BMP2K: variants seen among roughly 807,000 people sequenced by gnomAD.
The protein encoded by BMP2K is BMP-2-inducible protein kinase.
A neutral mutation model predicts 116.0 loss-of-function variants in BMP2K; 74 were observed. That is an observed-to-expected ratio of 0.64 (90% CI 0.53 to 0.77). BMP2K has a LOEUF of 0.77. Ranked by LOEUF, BMP2K falls within the 30% of genes least tolerant of loss-of-function variation. The probability of loss-of-function intolerance (pLI) is 0.00; values close to 1 mark genes in which losing one functional copy is unlikely to be tolerated. For synonymous variants in BMP2K, 486 were observed against 502.5 expected (o/e 0.97, Z 0.44); for missense variants, 1,365 against 1,403.6 (o/e 0.97, Z 0.44).
chr4:78,817,559 A>G (rs1462022784), intron 1 of BMP2K, among the ~76,000 whole-genome samples: 1 of 152,202 alleles, frequency 6.6e-6, no homozygotes, highest in Non-Finnish European at 1.5e-5. Context: ...CATGCTAGGT[A>G]CACCACTCTG....
rs141156926 is a variant in BMP2K, at chr4:78,805,215, G to C, written c.179-20822G>C. On this transcript the variant is annotated intron_variant, in intron 1 of 15. Coordinates refer to ENST00000502613, the MANE Select transcript of BMP2K (RefSeq NM_198892.2). Reference sequence around the variant, plus strand: ...TTGGCACCCTTGTTGAAAATCAATTGATCATAAAAGTATGGGTGAATTTCT... The same window carrying C: ...TTGGCACCCTTGTTGAAAATCAATTCATCATAAAAGTATGGGTGAATTTCT... Among the ~76,000 whole-genome samples, 619 of 152,274 alleles carry C rather than the reference G, an allele frequency of 4.1e-3. 3 individuals carry two copies. The highest frequency in any genetic ancestry group is 0.014 in the African/African-American group (592 of 41,572).
intron 3 of BMP2K, among the ~76,000 whole-genome samples, chr4:78,837,846 T>G (rs1730563897): frequency 6.6e-6 from 1 of 152,202 alleles, no homozygotes; most frequent in Admixed American, 6.5e-5. Context: ...TCTCACTTTG[T>G]AGCCCAGGGT....
At chr4:78,781,523 G>A (rs1392352478) in intron 1 of BMP2K, among the ~76,000 whole-genome samples, 1 of 151,992 alleles carries the variant, frequency 6.6e-6, no homozygotes, top group African/African-American at 2.4e-5. Context: ...ATATCAAATG[G>A]GAAGCTGGGT....
At chr4:78,843,625 C>T (rs1048316615) in intron 4 of BMP2K, among the ~76,000 whole-genome samples, 5 of 151,844 alleles carry the variant, frequency 3.3e-5, no homozygotes, top group African/African-American at 1.2e-4. Context: ...ATCATGAAAG[C>T]ATCATCTAGA....
At chr4:78,895,453 T>C (rs1436277776) in intron 15 of BMP2K, among the ~76,000 whole-genome samples, 1 of 152,176 alleles carries the variant, frequency 6.6e-6, no homozygotes, top group Non-Finnish European at 1.5e-5. Flanking sequence ...TGATTAAAGG[T>C]TGAAATCCCA....
At chr4:78,900,197 T>A (rs1021929978) in intron 15 of BMP2K, among the ~76,000 whole-genome samples, 1 of 152,226 alleles carries the variant, frequency 6.6e-6, no homozygotes, top group African/African-American at 2.4e-5. Flanking sequence ...GTAGTAAATA[T>A]CTTATTGACA....
intron 7 of BMP2K, among the ~76,000 whole-genome samples, chr4:78,852,229 A>G (rs951783261): frequency 7.2e-5 from 11 of 152,080 alleles, no homozygotes; most frequent in African/African-American, 2.6e-4. Context: ...AATACTACTG[A>G]TAATTTTAGA....
rs886929311 is a variant in BMP2K at position 78,837,081 on chromosome 4, TTTC to T, written c.403+3397_403+3399del. ...TAGATTGATAATCCTCTGATTTTCTTTTCTTATTTTCCTTTTCTTTATTCTTTT... is the reference window on the plus strand; with the variant it reads ...TAGATTGATAATCCTCTGATTTTCTTTTATTTTCCTTTTCTTTATTCTTTT... On this transcript the variant is annotated intron_variant, in intron 3 of 15. Coordinates refer to ENST00000502613, the MANE Select transcript of BMP2K (RefSeq NM_198892.2). 7.2e-5 allele frequency among the ~76,000 whole-genome samples: 11 copies of T among 152,240 alleles called. No individual in the cohort carries two copies. In the Middle Eastern group the frequency reaches 0.01, roughly 141 times the overall value.
intron 2 of BMP2K, among the ~76,000 whole-genome samples, chr4:78,832,334 T>C (rs1404853993): frequency 2.6e-5 from 4 of 152,202 alleles, no homozygotes; most frequent in Admixed American, 2.6e-4. Context: ...TTGTTATTAA[T>C]GTCAGTTGTA....
intron 1 of BMP2K, among the ~76,000 whole-genome samples, chr4:78,807,958 T>C (rs925709952): frequency 1.3e-5 from 2 of 152,158 alleles, no homozygotes; most frequent in Non-Finnish European, 2.9e-5. Flanking sequence ...CTCTATACTT[T>C]TTTTATTTCA....
chr4:78,872,606 T>G lies in BMP2K; in HGVS notation c.1609-8T>G. ...CATTGTTTTGTATAATATCATTTCTTTTTTCAGATGCCGCAGTATCAGCAG... is the reference window on the plus strand; with the variant it reads ...CATTGTTTTGTATAATATCATTTCTGTTTTCAGATGCCGCAGTATCAGCAG... On this transcript the variant is annotated splice_polypyrimidine_tract_variant and splice_region_variant and intron_variant, in intron 12 of 15. Transcript: ENST00000502613. 1 of 1,613,078 alleles carries G rather than the reference T, an allele frequency of 6.2e-7. No homozygotes were observed. Among genetic ancestry groups the G allele is most frequent in the Non-Finnish European group, 8.5e-7 (1 of 1,179,572 alleles).
chr4:78,822,501 CATTTT>C (rs1358880286), intron 1 of BMP2K, among the ~76,000 whole-genome samples: 1 of 152,000 alleles, frequency 6.6e-6, no homozygotes, highest in East Asian at 1.9e-4. Context: ...ATTTATTTCC[CATTTT>C]ATTTCATCAG....
In BMP2K at chr4:78,912,312, A is replaced by G; in HGVS notation, c.*279A>G. The G allele has an allele frequency of 2.9e-6, 1 of 340,414 alleles. No homozygotes were observed. The highest frequency in any genetic ancestry group is 7.8e-5 in the South Asian group (1 of 12,886). 21.1% of individuals were successfully genotyped at this position (340,414 alleles called of 1,614,324 possible). A position where few individuals can be genotyped will look rare whatever the true frequency, so the allele number is the denominator to read the frequency against. On this transcript the variant is annotated 3_prime_UTR_variant, in exon 16 of 16. Transcript: ENST00000502613. ...AAATGCAAGTGTGGTACTTCCAGTG[A>G]AAGCACATGGCACCTTTCTAGGTGT...
intron 13 of BMP2K, among the ~76,000 whole-genome samples, chr4:78,878,450 C>T (rs1732737676): frequency 6.6e-6 from 1 of 152,090 alleles, no homozygotes; most frequent in Non-Finnish European, 1.5e-5. Context: ...TACTATTACT[C>T]CTTTTTACAG....
chr4:78,779,891 GATAAC>G (rs1727423238), intron 1 of BMP2K, among the ~76,000 whole-genome samples: 2 of 152,288 alleles, frequency 1.3e-5, no homozygotes. Context: ...TTAAAGGACT[GATAAC>G]ATAGTGAGGC....
intron 1 of BMP2K, among the ~76,000 whole-genome samples, chr4:78,824,620 T>C (rs1179867299): frequency 6.6e-6 from 1 of 152,208 alleles, no homozygotes; most frequent in African/African-American, 2.4e-5. Context: ...CCAAATCATA[T>C]CAGAACTCTT....
chr4:78,845,440 T>G (rs1730952169), intron 5 of BMP2K, among the ~76,000 whole-genome samples: 1 of 151,682 alleles, frequency 6.6e-6, no homozygotes, highest in Non-Finnish European at 1.5e-5. Flanking sequence ...TATTTAATAT[T>G]AAAAGGATTG....
chr4:78,821,131 A>G (rs1353004402), intron 1 of BMP2K, among the ~76,000 whole-genome samples: 1 of 152,004 alleles, frequency 6.6e-6, no homozygotes, highest in Non-Finnish European at 1.5e-5. Context: ...CACCTCTTCA[A>G]AGTTCTTTTT....
intron 1 of BMP2K, among the ~76,000 whole-genome samples, chr4:78,808,047 T>A (rs1351969722): frequency 6.6e-6 from 1 of 152,008 alleles, no homozygotes; most frequent in East Asian, 1.9e-4. Flanking sequence ...TCTTGGCTTT[T>A]CCTAGGTTTT....
Sources: gnomAD v4.1 joint callset for allele counts (sites outside exome capture counted in the v4.1 genomes callset) on GRCh38, gnomAD v4.1.1 for gene constraint, MANE v1.5 for transcripts, NCBI Gene and HGNC (gene_info 2026-07-23, HGNC 2026-07-21) for gene names.